CTNNA3: variants seen among roughly 807,000 people sequenced by gnomAD.
CTNNA3 encodes catenin alpha-3.
In CTNNA3, 76 loss-of-function variants were observed where a neutral mutation model predicts 95.7. The observed-to-expected ratio is 0.79, with a 90% CI of 0.66 to 0.96. CTNNA3 has a LOEUF of 0.96. Among genes scored for constraint, CTNNA3 ranks in the 40% least tolerant of loss-of-function variants. The pLI is 0.00. For synonymous variants in CTNNA3, 431 were observed against 374.4 expected (o/e 1.15, Z -1.74); for missense variants, 1,191 against 1,089.8 (o/e 1.09, Z -1.31).
At chr10:66,742,714 G>A (rs955089290) in intron 9 of CTNNA3, among the ~76,000 whole-genome samples, 1 of 152,138 alleles carries the variant, frequency 6.6e-6, no homozygotes, top group Non-Finnish European at 1.5e-5. Flanking sequence ...AATATCGGGG[G>A]TGAATTTCAC....
chr10:66,364,943 C>T lies in CTNNA3; in HGVS notation c.1732+14209G>A, dbSNP rs988758486. ...GAGGATTTCCTCTTCCACAGTATTC[C>T]GTACTATCAATAATCAACTCTATTA... On this transcript the variant is annotated intron_variant, in intron 12 of 17. Transcript: ENST00000433211. Among the ~76,000 whole-genome samples, 43 of 152,072 alleles carry T rather than the reference C, an allele frequency of 2.8e-4. 1 individual carries two copies. The highest frequency in any genetic ancestry group is 9.4e-4 in the African/African-American group (39 of 41,388).
chr10:66,580,239 T>A (rs1843140425), intron 10 of CTNNA3, among the ~76,000 whole-genome samples: 1 of 151,724 alleles, frequency 6.6e-6, no homozygotes, highest in Admixed American at 6.6e-5. Flanking sequence ...ATTCTATTTT[T>A]TTATTCTCCT....
intron 13 of CTNNA3, among the ~76,000 whole-genome samples, chr10:66,107,257 C>A (rs1297976962): frequency 6.6e-6 from 1 of 152,082 alleles, no homozygotes; most frequent in Non-Finnish European, 1.5e-5. Flanking sequence ...TTCATATTTT[C>A]CTATTTTACC....
chr10:67,181,332 G>A (rs867359339), intron 6 of CTNNA3, among the ~76,000 whole-genome samples: 7 of 152,060 alleles, frequency 4.6e-5, no homozygotes, highest in African/African-American at 1.4e-4. Flanking sequence ...AATAGAAGTC[G>A]AGATAATCTA....
At chr10:67,654,625 C>A (rs1198225377) in intron 1 of CTNNA3, among the ~76,000 whole-genome samples, 2 of 151,986 alleles carry the variant, frequency 1.3e-5, no homozygotes, top group African/African-American at 4.8e-5. Flanking sequence ...GTAGCTGGGA[C>A]CACAGGCGCG....
At chr10:66,435,694 T>C (rs562908476) in intron 11 of CTNNA3, among the ~76,000 whole-genome samples, 2 of 152,196 alleles carry the variant, frequency 1.3e-5, no homozygotes, top group Non-Finnish European at 2.9e-5. Context: ...TCTGCTCTGA[T>C]CTTAGTTATT....
chr10:66,803,068 A>G (rs60976537), intron 7 of CTNNA3, among the ~76,000 whole-genome samples: 41,316 of 151,852 alleles, frequency 0.27, 6,117 homozygotes, highest in African/African-American at 0.41. Context: ...TTCAAAACAC[A>G]TCAAACTGTA....
At chr10:67,234,184 A>G (rs1865350585) in intron 5 of CTNNA3, among the ~76,000 whole-genome samples, 1 of 152,226 alleles carries the variant, frequency 6.6e-6, no homozygotes, top group Non-Finnish European at 1.5e-5. Context: ...TCATCCTGAT[A>G]CCAAAGCCGG....
intron 11 of CTNNA3, among the ~76,000 whole-genome samples, chr10:66,438,742 GA>G: frequency 6.6e-6 from 1 of 152,128 alleles, no homozygotes. Context: ...ACTGAGGTAT[GA>G]AAAAAACTCC....
chr10:67,436,971 G>A (rs182412011), intron 5 of CTNNA3, among the ~76,000 whole-genome samples: 409 of 152,248 alleles, frequency 2.7e-3, no homozygotes, highest in Non-Finnish European at 5.0e-3. Context: ...TCCCACTAAT[G>A]TGTATCTACC....
At chr10:66,380,251 T>C (rs968460435) in intron 11 of CTNNA3, among the ~76,000 whole-genome samples, 3 of 152,066 alleles carry the variant, frequency 2.0e-5, no homozygotes, top group Admixed American at 2.0e-4. Context: ...TATGTGTGTG[T>C]TTGCTACAAA....
chr10:66,056,734 T>C (rs763683835), intron 15 of CTNNA3, among the ~76,000 whole-genome samples: 7 of 152,224 alleles, frequency 4.6e-5, no homozygotes, highest in Admixed American at 1.3e-4. Context: ...TTTGGATTTC[T>C]TCAGCATTCA....
At chr10:67,484,037 T>C (rs1220569134) in intron 5 of CTNNA3, among the ~76,000 whole-genome samples, 3 of 151,822 alleles carry the variant, frequency 2.0e-5, no homozygotes, top group Non-Finnish European at 4.4e-5. Flanking sequence ...CCTAAGCAAA[T>C]AGAATAAAGC....
intron 1 of CTNNA3, among the ~76,000 whole-genome samples, chr10:67,749,304 A>G (rs1431976408): frequency 6.6e-6 from 1 of 152,232 alleles, no homozygotes; most frequent in African/African-American, 2.4e-5. Context: ...GCTCTGGATC[A>G]AGTGGACCTG....
At chr10:66,025,539 A>C (rs1361521599) in intron 15 of CTNNA3, among the ~76,000 whole-genome samples, 1 of 152,172 alleles carries the variant, frequency 6.6e-6, no homozygotes, top group Non-Finnish European at 1.5e-5. Context: ...AATGTGTTTT[A>C]CATCATTGAA....
Position 66,789,159 on chromosome 10 carries a change from A to T in CTNNA3, c.1048-13635T>A, listed in dbSNP as rs184744542. 4.9e-3 allele frequency among the ~76,000 whole-genome samples: 689 copies of T among 139,696 alleles called. 4 individuals carry two copies. Among genetic ancestry groups the T allele is most frequent in the Non-Finnish European group, 4.5e-3 (296 of 65,070 alleles). 91.6% of individuals were successfully genotyped at this position (139,696 alleles called of 152,430 possible). A position where few individuals can be genotyped will look rare whatever the true frequency, so the allele number is the denominator to read the frequency against. ...TTTGCTCTATTTATCTGCTTACTAAACCTTTTTTTTGTTTATTTGTTTGTT... is the reference window on the plus strand; with the variant it reads ...TTTGCTCTATTTATCTGCTTACTAATCCTTTTTTTTGTTTATTTGTTTGTT... On this transcript the variant is annotated intron_variant, in intron 7 of 17. Coordinates refer to ENST00000433211, the MANE Select transcript of CTNNA3 (RefSeq NM_013266.4).
At chr10:66,607,472 C>CAAAAAAAAAA (rs574854850) in intron 10 of CTNNA3, among the ~76,000 whole-genome samples, 37 of 45,210 alleles carry the variant, frequency 8.2e-4, no homozygotes, top group Admixed American at 9.9e-4. Context: ...CAGAGACAAC[C>CAAAAAAAAAA]AAAAAAAAAA....
chr10:66,014,489 CAATT>C (rs2079058501), intron 15 of CTNNA3, among the ~76,000 whole-genome samples: 1 of 152,090 alleles, frequency 6.6e-6, no homozygotes, highest in African/African-American at 2.4e-5. Context: ...GAAAAGTTCC[CAATT>C]TATTTCCCTC....
intron 13 of CTNNA3, among the ~76,000 whole-genome samples, chr10:66,109,596 C>T (rs1163169975): frequency 1.3e-5 from 2 of 152,032 alleles, no homozygotes; most frequent in African/African-American, 4.8e-5. Flanking sequence ...AGGGAAGGCC[C>T]AAGAATGACT....
Sources: allele counts gnomAD v4.1 joint callset (sites outside exome capture counted in the v4.1 genomes callset), GRCh38; gene constraint gnomAD v4.1.1; transcripts MANE v1.5; gene names NCBI Gene and HGNC (gene_info 2026-07-23, HGNC 2026-07-21).